The following AFF4 variants were observed in gnomAD, a reference collection of about 807,000 sequenced individuals.
The protein encoded by AFF4 is ALF transcription elongation factor 4.
AFF4 carries 13 observed loss-of-function variants against 124.8 expected under a neutral mutation model. The observed-to-expected ratio is 0.10, with a 90% CI of 0.07 to 0.17. The LOEUF (loss-of-function observed/expected upper bound fraction) is 0.17. AFF4 is among the 10% of genes least tolerant of loss of function. The probability of loss-of-function intolerance (pLI) is 1.00; values close to 1 mark genes in which losing one functional copy is unlikely to be tolerated. For synonymous variants in AFF4, 477 were observed against 496.1 expected (o/e 0.96, Z 0.51); for missense variants, 1,092 against 1,403.8 (o/e 0.78, Z 3.55).
chr5:132,915,557 C>CT (rs869166538), intron 5 of AFF4, among the ~76,000 whole-genome samples: 14 of 132,378 alleles, frequency 1.1e-4, no homozygotes, highest in Admixed American at 6.0e-4. Context: ...TGACCCACTT[C>CT]TTTTTTTTGG....
chr5:132,924,466 G>A (rs1227238218), intron 5 of AFF4, among the ~76,000 whole-genome samples: 1 of 152,170 alleles, frequency 6.6e-6, no homozygotes, highest in Admixed American at 6.6e-5. Context: ...AGGCGAGGGA[G>A]ACTACAAAGG....
At chr5:132,904,910 G>A (rs900625697) in intron 5 of AFF4, among the ~76,000 whole-genome samples, 1 of 151,952 alleles carries the variant, frequency 6.6e-6, no homozygotes, top group Non-Finnish European at 1.5e-5. Context: ...TTAGTTGGGC[G>A]TGGTGGCGTG....
rs1355448008 is a variant in AFF4 at position 132,878,921 on chromosome 5, T to A, written c.*2138A>T. 4 of 221,652 alleles carry A rather than the reference T, an allele frequency of 1.8e-5. No homozygotes were observed. Among genetic ancestry groups the A allele is most frequent in the African/African-American group, 8.9e-5 (4 of 44,720 alleles). The allele number at this position is 221,652 out of a possible 1,614,324, so 13.7% of individuals were successfully genotyped here. On this transcript the variant is annotated 3_prime_UTR_variant, in exon 21 of 21. Transcript: ENST00000265343. ...ACTTTTTCCATTTCTAAGACATCACTGCAAATTAAGGAATCCAAGTCAGAA... is the reference window on the plus strand; with the variant it reads ...ACTTTTTCCATTTCTAAGACATCACAGCAAATTAAGGAATCCAAGTCAGAA...
chr5:132,957,183 C>A (rs1326070125), intron 1 of AFF4, among the ~76,000 whole-genome samples: 1 of 151,108 alleles, frequency 6.6e-6, no homozygotes, highest in Non-Finnish European at 1.5e-5. Flanking sequence ...TTTGCAAAAA[C>A]CAAAAAATTT....
intron 2 of AFF4, among the ~76,000 whole-genome samples, chr5:132,936,693 G>A (rs1392608638): frequency 6.6e-6 from 1 of 152,160 alleles, no homozygotes; most frequent in African/African-American, 2.4e-5. Flanking sequence ...AGCACAACTA[G>A]GAAAATAGAG....
chr5:132,932,186 T>C lies in AFF4; in HGVS notation c.955A>G (p.Ile319Val). The C allele has an allele frequency of 6.3e-7, 1 of 1,596,540 alleles. No homozygotes were observed. Among genetic ancestry groups the C allele is most frequent in the South Asian group, 1.2e-5 (1 of 86,912 alleles). Reference protein sequence around the residue: ...ASGDVSCVDEILKEMTHSWPP... With the variant: ...ASGDVSCVDEVLKEMTHSWPP... ...TTTTTTAAAAAACTTACTTTTAGGATTTCATCCACACAGCTCACATCACCA... is the reference window on the plus strand; with the variant it reads ...TTTTTTAAAAAACTTACTTTTAGGACTTCATCCACACAGCTCACATCACCA... The change falls in exon 4 of 21, where the codon ATC (isoleucine) becomes GTC (valine). Residue 319 changes from isoleucine to valine, a missense_variant. Transcript: ENST00000265343.
At chr5:132,942,692 G>A (rs559951243) in intron 1 of AFF4, among the ~76,000 whole-genome samples, 1 of 152,252 alleles carries the variant, frequency 6.6e-6, no homozygotes, top group East Asian at 1.9e-4. Flanking sequence ...TCAAACTCCC[G>A]ACCTCAGGTG....
intron 1 of AFF4, among the ~76,000 whole-genome samples, chr5:132,950,201 C>T (rs1761807501): frequency 1.3e-5 from 2 of 152,070 alleles, no homozygotes; most frequent in Admixed American, 6.6e-5. Context: ...CCTGGCCGGG[C>T]GCGATGGCTC....
At chr5:132,923,560 C>A (rs1447772185) in intron 5 of AFF4, among the ~76,000 whole-genome samples, 1 of 151,798 alleles carries the variant, frequency 6.6e-6, no homozygotes, top group African/African-American at 2.4e-5. Flanking sequence ...TAGAGTGAGA[C>A]CCCCGTCTCT....
intron 7 of AFF4, chr5:132,900,819 G>A: frequency 1.1e-6 from 1 of 945,532 alleles, no homozygotes; most frequent in Non-Finnish European, 1.3e-6. Flanking sequence ...AAAGCTTAGG[G>A]AGAACTACAA....
At chr5:132,915,212 A>G (rs552000465) in intron 5 of AFF4, among the ~76,000 whole-genome samples, 3 of 151,998 alleles carry the variant, frequency 2.0e-5, no homozygotes, top group Non-Finnish European at 2.9e-5. Flanking sequence ...GTGGTGGCGC[A>G]TGCCTGTAGT....
At chr5:132,932,278 C>T (rs765535372) in intron 3 of AFF4, 56 bp from the exon 4 acceptor site, 17 of 1,453,710 alleles carry the variant, frequency 1.2e-5, no homozygotes, top group Non-Finnish European at 1.6e-5. Context: ...TTAGTATTTG[C>T]TTCACAGATT....
intron 11 of AFF4, 30 bp downstream of exon 11, chr5:132,896,293 C>G: frequency 6.5e-7 from 1 of 1,541,740 alleles, no homozygotes; most frequent in Non-Finnish European, 8.7e-7. Context: ...TCTGATGTTT[C>G]AAAACAAACA....
intron 5 of AFF4, among the ~76,000 whole-genome samples, chr5:132,921,473 C>CTT (rs142500965): frequency 1.7e-5 from 2 of 119,894 alleles, no homozygotes; most frequent in South Asian, 3.0e-4. Flanking sequence ...TTTTTTTTTT[C>CTT]TTTTTTTTTT....
chr5:132,963,601 C>T lies in AFF4; in HGVS notation c.-347G>A, dbSNP rs957849598. 5.0e-6 allele frequency: 2 copies of T among 397,490 alleles called. No homozygotes were observed. The highest frequency in any genetic ancestry group is 4.1e-5 in the African/African-American group (2 of 48,602). 24.6% of individuals were successfully genotyped at this position (397,490 alleles called of 1,614,324 possible). ...CCCCGTCCGCTGGCGGCGGCGACGG[C>T]AGCTGGACTCCTGCAGCCAGGGCTG... On this transcript the variant is annotated 5_prime_UTR_variant, in exon 1 of 21. Coordinates refer to ENST00000265343, the MANE Select transcript of AFF4 (RefSeq NM_014423.4).
At chr5:132,911,729 C>G (rs1258604501) in intron 5 of AFF4, among the ~76,000 whole-genome samples, 5 of 150,120 alleles carry the variant, frequency 3.3e-5, no homozygotes, top group Non-Finnish European at 3.0e-5. Context: ...AACTATAAGA[C>G]CAAAATTTCA....
intron 20 of AFF4, 134 bp from the exon 21 acceptor site, chr5:132,881,320 C>G: frequency 1.1e-6 from 1 of 929,940 alleles, no homozygotes; most frequent in Non-Finnish European, 1.6e-6. Context: ...GCTTACTGTC[C>G]ATGTTTTAGA....
chr5:132,952,546 T>C (rs1002413936), intron 1 of AFF4, among the ~76,000 whole-genome samples: 1 of 152,204 alleles, frequency 6.6e-6, no homozygotes, highest in Non-Finnish European at 1.5e-5. Flanking sequence ...TGCTCAGACA[T>C]GGGTCTTATT....
At chr5:132,935,311 G>A (rs143089168) in intron 2 of AFF4, among the ~76,000 whole-genome samples, 1,771 of 152,292 alleles carry the variant, frequency 0.012, 28 homozygotes, top group African/African-American at 0.039. Flanking sequence ...AACATAGCAA[G>A]ACTGTCTTTT....
Sources: gnomAD v4.1 joint callset for allele counts (sites outside exome capture counted in the v4.1 genomes callset) on GRCh38, gnomAD v4.1.1 for gene constraint, MANE v1.5 for transcripts, NCBI Gene and HGNC (gene_info 2026-07-23, HGNC 2026-07-21) for gene names.